STPG4: variants seen among roughly 807,000 people sequenced by gnomAD.
STPG4 encodes the protein sperm-tail PG-rich repeat containing 4, also known as protein STPG4.
In STPG4, 41 loss-of-function variants were observed where a neutral mutation model predicts 31.5. That is an observed-to-expected ratio of 1.30 (90% CI 1.01 to 1.69). The LOEUF (loss-of-function observed/expected upper bound fraction) is 1.69, where lower values mean the gene tolerates loss of function less well. Ranked by LOEUF, STPG4 falls within the 40% of genes most tolerant of loss-of-function variation. The probability of loss-of-function intolerance (pLI) is 0.00; values close to 1 mark genes in which losing one functional copy is unlikely to be tolerated. For missense variants in STPG4, 375 were observed against 293.4 expected, an observed-to-expected ratio of 1.28 and a Z score of -2.03; for synonymous variants, 141 against 103.0, an observed-to-expected ratio of 1.37 and a Z score of -2.24.
chr2:47,152,913 G>T, intron 2 of STPG4, 44 bp downstream of exon 2: 2 of 1,338,586 alleles, frequency 1.5e-6, no homozygotes, highest in South Asian at 1.3e-5. Context: ...AATATTAATG[G>T]AATAGGAATA....
chr2:47,125,335 T>C (rs185743036), intron 5 of STPG4, among the ~76,000 whole-genome samples: 1 of 152,260 alleles, frequency 6.6e-6, no homozygotes, highest in African/African-American at 2.4e-5. Flanking sequence ...GGGGAAGGAT[T>C]GCTTACACTA....
intron 5 of STPG4, among the ~76,000 whole-genome samples, chr2:47,122,128 T>C (rs1686284904): frequency 6.6e-6 from 1 of 152,198 alleles, no homozygotes; most frequent in South Asian, 2.1e-4. Flanking sequence ...ATTTTTCACC[T>C]TGTAATCTGA....
At chr2:47,145,397 C>G (rs1362803752) in intron 3 of STPG4, among the ~76,000 whole-genome samples, 1 of 152,200 alleles carries the variant, frequency 6.6e-6, no homozygotes. Flanking sequence ...GAGAAGAAAC[C>G]CGTCCCTGAG....
In STPG4 at chr2:47,087,142, G is replaced by A; in HGVS notation, c.625-12C>T. On this transcript the variant is annotated splice_polypyrimidine_tract_variant and intron_variant, in intron 6 of 6. Transcript: ENST00000445927. ...GGGCCTGGGGTTTTCTGAAAACAGA[G>A]CAGAAAACAGGGACTGATGAGACAG... 3.9e-6 allele frequency: 6 copies of A among 1,551,500 alleles called. No homozygotes were observed. Among genetic ancestry groups the A allele is most frequent in the Non-Finnish European group, 5.2e-6 (6 of 1,146,904 alleles).
chr2:47,135,263 G>A (rs554172709), intron 3 of STPG4, among the ~76,000 whole-genome samples: 15 of 152,118 alleles, frequency 9.9e-5, no homozygotes, highest in Middle Eastern at 3.4e-3. Context: ...ACTCAAAGTC[G>A]TCTAGATTTT....
At chr2:47,096,831 TC>T in intron 5 of STPG4, among the ~76,000 whole-genome samples, 1 of 152,120 alleles carries the variant, frequency 6.6e-6, no homozygotes, top group East Asian at 1.9e-4. Context: ...CTAGTGAAAA[TC>T]CCAATATACG....
chr2:47,109,307 C>A (rs1158337305), intron 5 of STPG4, among the ~76,000 whole-genome samples: 1 of 152,142 alleles, frequency 6.6e-6, no homozygotes, highest in Non-Finnish European at 1.5e-5. Flanking sequence ...CTGTAATCCC[C>A]ACACTTTGGG....
intron 5 of STPG4, among the ~76,000 whole-genome samples, chr2:47,117,368 C>T (rs1686174112): frequency 6.6e-6 from 1 of 152,306 alleles, no homozygotes; most frequent in Non-Finnish European, 1.5e-5. Context: ...CACCACCACA[C>T]CTGGCTAATT....
At chr2:47,138,709 C>G (rs979137509) in intron 3 of STPG4, among the ~76,000 whole-genome samples, 1 of 152,170 alleles carries the variant, frequency 6.6e-6, no homozygotes, top group African/African-American at 2.4e-5. Context: ...GCCACCACAC[C>G]CAGCTAATTT....
At chr2:47,123,073 G>A (rs560509893) in intron 5 of STPG4, among the ~76,000 whole-genome samples, 41 of 152,262 alleles carry the variant, frequency 2.7e-4, no homozygotes, top group Non-Finnish European at 5.0e-4. Flanking sequence ...TGATGCGCCT[G>A]CCTCAGCCTT....
intron 5 of STPG4, among the ~76,000 whole-genome samples, chr2:47,115,846 G>T (rs1249481346): frequency 1.3e-5 from 2 of 151,996 alleles, no homozygotes; most frequent in African/African-American, 2.4e-5. Flanking sequence ...TAGAGACAGG[G>T]TTTCACCGTG....
chr2:47,098,129 T>G (rs1255430499), intron 5 of STPG4, among the ~76,000 whole-genome samples: 1 of 152,178 alleles, frequency 6.6e-6, no homozygotes, highest in Non-Finnish European at 1.5e-5. Flanking sequence ...CATTCTGAAT[T>G]CTCGTTTACA....
intron 5 of STPG4, chr2:47,108,616 T>C (rs180994585): frequency 4.7e-4 from 73 of 156,824 alleles, no homozygotes; most frequent in African/African-American, 1.7e-3. Context: ...TTCCTTTCAC[T>C]TAAGATAGCA....
At chr2:47,088,816 T>C (rs1347378401) in intron 6 of STPG4, among the ~76,000 whole-genome samples, 2 of 152,194 alleles carry the variant, frequency 1.3e-5, no homozygotes, top group Non-Finnish European at 1.5e-5. Context: ...AATCAAGTCC[T>C]AGCCAAACGT....
intron 3 of STPG4, among the ~76,000 whole-genome samples, chr2:47,138,010 C>A (rs1686631408): frequency 6.6e-6 from 1 of 152,022 alleles, no homozygotes; most frequent in African/African-American, 2.4e-5. Context: ...TTTTCTTTCA[C>A]TTACTTTGGA....
intron 3 of STPG4, among the ~76,000 whole-genome samples, chr2:47,145,791 T>A (rs1686809622): frequency 6.6e-6 from 1 of 152,180 alleles, no homozygotes; most frequent in Non-Finnish European, 1.5e-5. Flanking sequence ...GTTCCATTCA[T>A]GGGAGAAGGC....
At chr2:47,133,272 T>A (rs996918170) in intron 3 of STPG4, among the ~76,000 whole-genome samples, 3 of 151,922 alleles carry the variant, frequency 2.0e-5, no homozygotes, top group Non-Finnish European at 2.9e-5. Flanking sequence ...GCTCAAGCGA[T>A]CCTCCTGCCT....
rs535675328 is a variant in STPG4 at position 47,099,421 on chromosome 2, C to G, written c.520-9047G>C. On this transcript the variant is annotated intron_variant, in intron 5 of 6. Transcript: ENST00000445927. ...AGCCTCAGCACCGGCAGGAGCAGGA[C>G]TAGGAAGTTCTCTTACATCTCCCAG... Among the ~76,000 whole-genome samples the G allele has an allele frequency of 3.9e-5, 6 of 152,344 alleles. No homozygotes were observed. The East Asian group carries it at 1.2e-3, about 29-fold the overall frequency.
At chr2:47,136,464 T>C (rs1325769255) in intron 3 of STPG4, among the ~76,000 whole-genome samples, 1 of 152,238 alleles carries the variant, frequency 6.6e-6, no homozygotes, top group Non-Finnish European at 1.5e-5. Context: ...TTCTTTGATT[T>C]CTTTCATCAG....
Sources: allele counts gnomAD v4.1 joint callset (sites outside exome capture counted in the v4.1 genomes callset), GRCh38; gene constraint gnomAD v4.1.1; transcripts MANE v1.5; gene names NCBI Gene and HGNC (gene_info 2026-07-23, HGNC 2026-07-21).